The following DSE variants were observed in gnomAD, a reference collection of about 807,000 sequenced individuals.
The protein encoded by DSE is dermatan sulfate epimerase, also known as dermatan-sulfate epimerase.
DSE carries 36 observed loss-of-function variants against 84.4 expected under a neutral mutation model. The ratio of observed to expected loss-of-function variants is 0.43; its 90% CI spans 0.33 to 0.56. DSE has a LOEUF of 0.56. Among genes scored for constraint, DSE ranks in the 20% least tolerant of loss-of-function variants. The probability of loss-of-function intolerance (pLI) is 0.06; values close to 1 mark genes in which losing one functional copy is unlikely to be tolerated. For synonymous variants in DSE, 410 were observed against 430.1 expected (o/e 0.95, Z 0.58); for missense variants, 862 against 1,169.6 (o/e 0.74, Z 3.84).
At chr6:116,398,793 G>A (rs538218430) in intron 1 of DSE, among the ~76,000 whole-genome samples, 1 of 152,162 alleles carries the variant, frequency 6.6e-6, no homozygotes, top group Non-Finnish European at 1.5e-5. Flanking sequence ...CTGGTTTTTT[G>A]TAATGTCTAC....
intron 2 of DSE, among the ~76,000 whole-genome samples, chr6:116,300,664 G>A (rs1774983342): frequency 6.6e-6 from 1 of 152,222 alleles, no homozygotes; most frequent in Admixed American, 6.5e-5. Context: ...ACCAGTGCTA[G>A]TGTCAAAGAA....
At chr6:116,413,940 C>A (rs113395121) in intron 2 of DSE, among the ~76,000 whole-genome samples, 213 of 152,162 alleles carry the variant, frequency 1.4e-3, no homozygotes, top group African/African-American at 5.0e-3. Flanking sequence ...TCAAGTAATT[C>A]TTTGCCCTTT....
At chr6:116,352,309 TTCC>T (rs1441145625) in intron 2 of DSE, among the ~76,000 whole-genome samples, 1 of 152,240 alleles carries the variant, frequency 6.6e-6, no homozygotes, top group Non-Finnish European at 1.5e-5. Flanking sequence ...ACTTATCCTG[TTCC>T]TGCATCCAAG....
intron 2 of DSE, among the ~76,000 whole-genome samples, chr6:116,422,359 T>A (rs183761236): frequency 1.3e-5 from 2 of 152,260 alleles, no homozygotes; most frequent in African/African-American, 2.4e-5. Flanking sequence ...AACAAAGGCT[T>A]TCAGCTTTCC....
In DSE at chr6:116,279,284, T is replaced by C. The variant is rs1427143146; in HGVS notation, c.-54+20317T>C. The C allele has an allele frequency of 7.0e-6, 11 of 1,564,272 alleles. No homozygotes were observed. Among genetic ancestry groups the C allele is most frequent in the East Asian group, 2.4e-5 (1 of 42,494 alleles). On this transcript the variant is annotated intron_variant, in intron 2 of 3. Transcript: ENST00000430252. Reference sequence around the variant, plus strand: ...TCCATCTGCTCCTCCATTACCTCCTTCTCCGCCAGGCCTTCCTTCACCACC... The same window carrying C: ...TCCATCTGCTCCTCCATTACCTCCTCCTCCGCCAGGCCTTCCTTCACCACC...
intron 2 of DSE, among the ~76,000 whole-genome samples, chr6:116,421,454 TA>T: frequency 1.3e-5 from 1 of 76,054 alleles, no homozygotes; most frequent in African/African-American, 7.3e-5. Context: ...TATATATATA[TA>T]TATATATATT....
At chr6:116,345,754 G>A (rs1777919185) in intron 2 of DSE, among the ~76,000 whole-genome samples, 1 of 152,140 alleles carries the variant, frequency 6.6e-6, no homozygotes, top group Non-Finnish European at 1.5e-5. Flanking sequence ...TAGAAGGCAG[G>A]AAATAACTAA....
rs1191934012 is a variant in DSE at position 116,280,008 on chromosome 6, G to T, written c.-54+21041G>T. The T allele has an allele frequency of 1.1e-5, 9 of 819,678 alleles. No homozygotes were observed. The Admixed American group carries it at 1.9e-4, about 17-fold the overall frequency. 50.8% of individuals were successfully genotyped at this position (819,678 alleles called of 1,614,324 possible). On this transcript the variant is annotated intron_variant, in intron 2 of 3. Coordinates refer to the DSE transcript ENST00000430252. ...ACTTGCTGAGCCCGGGATTGGTTCC[G>T]CCGCTCCCTGCCAGCCAACCGGATT...
At chr6:116,372,657 G>A (rs574401145) in intron 1 of DSE, among the ~76,000 whole-genome samples, 75 of 152,196 alleles carry the variant, frequency 4.9e-4, no homozygotes, top group African/African-American at 1.8e-3. Context: ...TTCCTTTGAC[G>A]GTCACGATAC....
intron 2 of DSE, among the ~76,000 whole-genome samples, chr6:116,363,885 T>A (rs1779033907): frequency 6.6e-6 from 1 of 152,228 alleles, no homozygotes; most frequent in Admixed American, 6.5e-5. Flanking sequence ...TTGCCAGAGT[T>A]AATATGAAAT....
intron 1 of DSE, among the ~76,000 whole-genome samples, chr6:116,371,770 C>CT (rs1779598721): frequency 6.6e-6 from 1 of 152,236 alleles, no homozygotes; most frequent in South Asian, 2.1e-4. Flanking sequence ...GGGGGCTTGA[C>CT]TCACAGACTG....
At chr6:116,393,637 G>T (rs1191390277) in intron 1 of DSE, among the ~76,000 whole-genome samples, 1 of 152,206 alleles carries the variant, frequency 6.6e-6, no homozygotes. Context: ...GACGTCAGTT[G>T]ATCAAAGCTA....
chr6:116,386,986 C>T lies in DSE; in HGVS notation c.-53-12212C>T, dbSNP rs144127089. ...ATGATATAAGGACATACCAAAAATA[C>T]ACATAATGTCAAGAACGGTTTAGCT... On this transcript the variant is annotated intron_variant, in intron 1 of 5. Transcript: ENST00000644252. Among the ~76,000 whole-genome samples, 675 of 152,294 alleles carry T rather than the reference C, an allele frequency of 4.4e-3. 21 individuals carry two copies. The highest frequency in any genetic ancestry group is 0.043 in the South Asian group (205 of 4,818).
chr6:116,321,114 T>C (rs1417225850), intron 2 of DSE, among the ~76,000 whole-genome samples: 1 of 152,192 alleles, frequency 6.6e-6, no homozygotes, highest in African/African-American at 2.4e-5. Flanking sequence ...CTGGTATTGC[T>C]TCCCAGGTCA....
intron 2 of DSE, among the ~76,000 whole-genome samples, chr6:116,421,217 C>T (rs922089494): frequency 1.3e-5 from 2 of 151,696 alleles, no homozygotes; most frequent in African/African-American, 4.8e-5. Flanking sequence ...TTCAAAGTAT[C>T]AGTTTTTAAA....
At chr6:116,296,313 A>G (rs1172358369) in intron 2 of DSE, among the ~76,000 whole-genome samples, 1 of 152,114 alleles carries the variant, frequency 6.6e-6, no homozygotes, top group Non-Finnish European at 1.5e-5. Flanking sequence ...ACTGTTACGT[A>G]TTTTCTTGAA....
chr6:116,273,528 G>T (rs1772974816), intron 2 of DSE, among the ~76,000 whole-genome samples: 1 of 152,064 alleles, frequency 6.6e-6, no homozygotes, highest in African/African-American at 2.4e-5. Context: ...ATATAGTCTA[G>T]GACTTTAATT....
chr6:116,413,192 A>C (rs191797202), intron 2 of DSE, among the ~76,000 whole-genome samples: 1 of 152,182 alleles, frequency 6.6e-6, no homozygotes, highest in South Asian at 2.1e-4. Flanking sequence ...AACTTTACAT[A>C]TATAAATATA....
intron 2 of DSE, among the ~76,000 whole-genome samples, chr6:116,295,614 TA>T (rs921881643): frequency 6.6e-6 from 1 of 152,188 alleles, no homozygotes; most frequent in Admixed American, 6.5e-5. Context: ...CAGAAAGCAA[TA>T]ATGTGTCTCC....
Sources: allele counts gnomAD v4.1 joint callset (sites outside exome capture counted in the v4.1 genomes callset), GRCh38; gene constraint gnomAD v4.1.1; transcripts MANE v1.5; gene names NCBI Gene and HGNC (gene_info 2026-07-23, HGNC 2026-07-21).